The following TRUB1 variants were observed in gnomAD, a reference collection of about 807,000 sequenced individuals.
The protein encoded by TRUB1 is TruB pseudouridine synthase family member 1, also known as pseudouridylate synthase TRUB1.
In TRUB1, 23 loss-of-function variants were observed where a neutral mutation model predicts 33.9. The ratio of observed to expected loss-of-function variants is 0.68; its 90% CI spans 0.49 to 0.96. The LOEUF is 0.96. Among genes scored for constraint, TRUB1 ranks in the 40% least tolerant of loss-of-function variants. TRUB1 has a pLI of 0.00. For synonymous variants in TRUB1, 163 were observed against 165.4 expected (o/e 0.99, Z 0.11); for missense variants, 378 against 422.2 (o/e 0.90, Z 0.92).
Position 114,976,106 on chromosome 10 carries a change from A to T in TRUB1, c.*727A>T, listed in dbSNP as rs1214113004. On this transcript the variant is annotated 3_prime_UTR_variant, in exon 8 of 8. Coordinates refer to ENST00000298746, the MANE Select transcript of TRUB1 (RefSeq NM_139169.5). ...ATTTTGGCAGCTATGAGATATTTTC[A>T]TGGTAATGTCAACATGGTCAAGCAC... 6.6e-6 allele frequency: 1 copy of T among 152,622 alleles called. No individual in the cohort carries two copies. Among genetic ancestry groups the T allele is most frequent in the Non-Finnish European group, 1.5e-5 (1 of 68,008 alleles). 9.5% of individuals were successfully genotyped at this position (152,622 alleles called of 1,614,324 possible). A position where few individuals can be genotyped will look rare whatever the true frequency, so the allele number is the denominator to read the frequency against.
At chr10:114,957,487 C>T (rs2084266486) in intron 3 of TRUB1, among the ~76,000 whole-genome samples, 1 of 152,256 alleles carries the variant, frequency 6.6e-6, no homozygotes, top group African/African-American at 2.4e-5. Flanking sequence ...GAAACATGAT[C>T]GAATTTGTGG....
chr10:114,950,997 T>C lies in TRUB1; in HGVS notation c.386-97T>C, dbSNP rs527892134. The C allele has an allele frequency of 1.9e-5, 19 of 1,020,900 alleles. No homozygotes were observed. The African/African-American group carries it at 2.6e-4, about 14-fold the overall frequency. 63.2% of individuals were successfully genotyped at this position (1,020,900 alleles called of 1,614,324 possible). ...AATATCTGTTCTTTCCCACTTCACATTACCTAAGCTGGGAAATTATGACCA... is the reference window on the plus strand; with the variant it reads ...AATATCTGTTCTTTCCCACTTCACACTACCTAAGCTGGGAAATTATGACCA... On this transcript the variant is annotated intron_variant, in intron 2 of 7. Coordinates refer to ENST00000298746, the MANE Select transcript of TRUB1 (RefSeq NM_139169.5).
intron 6 of TRUB1, among the ~76,000 whole-genome samples, chr10:114,973,286 A>G (rs1410628321): frequency 1.3e-5 from 2 of 152,230 alleles, no homozygotes; most frequent in East Asian, 1.9e-4. Flanking sequence ...ATTCTCTATG[A>G]AAGCAAGAAA....
At chr10:114,972,041 T>C (rs2084338968) in intron 5 of TRUB1, 94 bp from the exon 6 acceptor site, 1 of 1,422,992 alleles carries the variant, frequency 7.0e-7, no homozygotes, top group Non-Finnish European at 9.6e-7. Flanking sequence ...TTCCTTTCCA[T>C]GCTAAATCTG....
intron 4 of TRUB1, among the ~76,000 whole-genome samples, chr10:114,968,350 G>A (rs1015689844): frequency 5.9e-5 from 9 of 152,150 alleles, no homozygotes; most frequent in South Asian, 2.1e-4. Flanking sequence ...AGAGACCAGC[G>A]TAGCAGAAGT....
At chr10:114,970,077 A>G (rs893739798) in intron 4 of TRUB1, among the ~76,000 whole-genome samples, 9 of 152,192 alleles carry the variant, frequency 5.9e-5, no homozygotes, top group African/African-American at 1.4e-4. Flanking sequence ...TCTTAAGGCC[A>G]TAGTCAGAAC....
chr10:114,970,579 AAGGT>A, intron 5 of TRUB1, 139 bp downstream of exon 5: 1 of 669,246 alleles, frequency 1.5e-6, no homozygotes, highest in Non-Finnish European at 2.6e-6. Context: ...TGTTAAAGTG[AAGGT>A]GAGACAGGAT....
intron 3 of TRUB1, among the ~76,000 whole-genome samples, chr10:114,953,576 A>G (rs2084246699): frequency 1.3e-5 from 2 of 152,340 alleles, no homozygotes; most frequent in South Asian, 4.1e-4. Flanking sequence ...AACATATTTT[A>G]TGTAATGACC....
At chr10:114,960,580 G>A (rs974441186) in intron 4 of TRUB1, among the ~76,000 whole-genome samples, 9 of 152,174 alleles carry the variant, frequency 5.9e-5, no homozygotes, top group African/African-American at 2.2e-4. Context: ...CCCCAGTAGT[G>A]AGGCCAACCT....
At chr10:114,965,609 A>G (rs57431627) in intron 4 of TRUB1, among the ~76,000 whole-genome samples, 24,410 of 151,966 alleles carry the variant, frequency 0.16, 4,672 homozygotes, top group African/African-American at 0.46. Flanking sequence ...CATTTTTTCT[A>G]TTCTCAGGAA....
At chr10:114,968,099 A>G (rs1029852883) in intron 4 of TRUB1, among the ~76,000 whole-genome samples, 1 of 152,094 alleles carries the variant, frequency 6.6e-6, no homozygotes, top group Non-Finnish European at 1.5e-5. Flanking sequence ...GTGTGTGTGT[A>G]GAAATCAAAT....
intron 2 of TRUB1, 69 bp from the exon 3 acceptor site, chr10:114,951,025 A>T (rs1392780754): frequency 7.1e-7 from 1 of 1,404,134 alleles, no homozygotes; most frequent in East Asian, 2.3e-5. Flanking sequence ...TATGACCAAA[A>T]AATATAGCTA....
chr10:114,970,322 G>A, intron 4 of TRUB1, 46 bp from the exon 5 acceptor site: 6 of 1,346,074 alleles, frequency 4.5e-6, no homozygotes, highest in South Asian at 1.2e-5. Context: ...AATAGTACAT[G>A]TACTTCTGTG....
intron 3 of TRUB1, among the ~76,000 whole-genome samples, chr10:114,955,750 A>G (rs1322462563): frequency 6.6e-6 from 1 of 152,202 alleles, no homozygotes; most frequent in African/African-American, 2.4e-5. Context: ...AGCATTTCTA[A>G]TCAGTTTTCT....
At chr10:114,973,182 C>T (rs2084344724) in intron 6 of TRUB1, among the ~76,000 whole-genome samples, 1 of 152,002 alleles carries the variant, frequency 6.6e-6, no homozygotes, top group Non-Finnish European at 1.5e-5. Flanking sequence ...CATGTTCCTG[C>T]TTCTAAAATA....
chr10:114,953,533 T>A (rs1372655411), intron 3 of TRUB1, among the ~76,000 whole-genome samples: 1 of 152,106 alleles, frequency 6.6e-6, no homozygotes, highest in African/African-American at 2.4e-5. Flanking sequence ...CTAGTGACTT[T>A]CAAAATTTTT....
At chr10:114,946,239 C>G (rs1228290182) in intron 2 of TRUB1, among the ~76,000 whole-genome samples, 1 of 152,044 alleles carries the variant, frequency 6.6e-6, no homozygotes, top group Non-Finnish European at 1.5e-5. Flanking sequence ...TAACGTCTAC[C>G]AAAACTAAGT....
rs565650915 is a variant in TRUB1 at position 114,940,310 on chromosome 10, G to C, written c.286+1771G>C. 6.9e-4 allele frequency among the ~76,000 whole-genome samples: 105 copies of C among 152,022 alleles called. 2 individuals carry two copies. In the South Asian group the frequency reaches 0.021, roughly 31 times the overall value. On this transcript the variant is annotated intron_variant, in intron 1 of 7. Transcript: ENST00000298746. ...CTAATTTTGTATTTTTGGTAGAGAC[G>C]GGGTTTCTCCATGTTGGTCAGGCTG...
intron 4 of TRUB1, among the ~76,000 whole-genome samples, chr10:114,967,825 G>C (rs1279571265): frequency 6.6e-6 from 1 of 152,126 alleles, no homozygotes; most frequent in African/African-American, 2.4e-5. Flanking sequence ...TAGCCAGTTT[G>C]TACTACATAC....
Sources: allele counts gnomAD v4.1 joint callset (sites outside exome capture counted in the v4.1 genomes callset), GRCh38; gene constraint gnomAD v4.1.1; transcripts MANE v1.5; gene names NCBI Gene and HGNC (gene_info 2026-07-23, HGNC 2026-07-21).